Variants in FANCD2OS observed in about 807,000 individuals in gnomAD.
The protein encoded by FANCD2OS is FANCD2 opposite strand, also known as FANCD2 opposite strand protein.
In FANCD2OS, 11 loss-of-function variants were observed where a neutral mutation model predicts 13.2. That is an observed-to-expected ratio of 0.83 (90% CI 0.52 to 1.38). The LOEUF is 1.38. FANCD2OS is among the 40% of genes most tolerant of loss of function. FANCD2OS has a pLI of 0.00. For synonymous variants in FANCD2OS, 69 were observed against 84.5 expected, an observed-to-expected ratio of 0.82 and a Z score of 1.01; for missense variants, 217 against 213.9, an observed-to-expected ratio of 1.01 and a Z score of -0.09.
At chr3:10,103,772 G>T (rs2125109005), downstream of FANCD2OS, among the ~76,000 whole-genome samples, 1 of 152,186 alleles carries the variant, frequency 6.6e-6, no homozygotes, top group South Asian at 2.1e-4. Flanking sequence ...GGGTGTGGTT[G>T]GTTAGGGTTT....
chr3:10,098,762 G>A, downstream of FANCD2OS: 1 of 1,614,184 alleles, frequency 6.2e-7, no homozygotes, highest in Non-Finnish European at 8.5e-7. Context: ...GAGCACAGCA[G>A]ATGAGAGTGA....
At chr3:10,105,761 AAAAAAAAAAATTATATATATATAT>A (rs1331199295) in intron 1 of FANCD2OS, among the ~76,000 whole-genome samples, 9 of 68,890 alleles carry the variant, frequency 1.3e-4, no homozygotes, top group African/African-American at 1.3e-3. Context: ...AAAAAAAAAA[AAAAAAAAAAATTATATATATATAT>A]ATATATATAT....
chr3:10,085,159 C>T lies in FANCD2OS; in HGVS notation c.*44-3628G>A, dbSNP rs578201085. Among the ~76,000 whole-genome samples, 4 of 152,244 alleles carry T rather than the reference C, an allele frequency of 2.6e-5. No individual in the cohort carries two copies. The East Asian group carries it at 7.7e-4, about 29-fold the overall frequency. ...ATTCCTGTATTTTTGAAGAAGACTA[C>T]ATATCTCTAAAATATAGGGAATGAA... On this transcript the variant is annotated intron_variant, in intron 2 of 2. Coordinates refer to the FANCD2OS transcript ENST00000524279.
chr3:10,099,257 T>C, downstream of FANCD2OS: 1 of 1,295,154 alleles, frequency 7.7e-7, no homozygotes. Flanking sequence ...CTTAGAGAAC[T>C]GAAATAAAAA....
At position 10,088,874 on chromosome 3, in the gene FANCD2OS, A is replaced by T. The variant is rs373757862; in HGVS notation, c.*44-7343T>A. 6 of 1,613,938 alleles carry T rather than the reference A, an allele frequency of 3.7e-6. No homozygotes were observed. Among genetic ancestry groups the T allele is most frequent in the Non-Finnish European group, 5.1e-6 (6 of 1,179,948 alleles). On this transcript the variant is annotated intron_variant, in intron 2 of 2. Transcript: ENST00000524279. ...GAGCATTCTGAAGGCCATAGAGGAG[A>T]TTGCTGGTGTTGGTGTCCCAGAACT...
chr3:10,107,434 T>C lies in FANCD2OS; in HGVS notation c.-9+581A>G, dbSNP rs570740090. On this transcript the variant is annotated intron_variant, in intron 1 of 1. Coordinates refer to ENST00000450660, the MANE Select transcript of FANCD2OS (RefSeq NM_001164839.2). ...TCCCGTAGCTGGGACTACAGGCGCC[T>C]GCCACCACGCCCGGCTAATTTTTTT... Among the ~76,000 whole-genome samples, 465 of 151,996 alleles carry C rather than the reference T, an allele frequency of 3.1e-3. 1 individual carries two copies. Among genetic ancestry groups the C allele is most frequent in the African/African-American group, 8.6e-3 (356 of 41,512 alleles).
chr3:10,086,555 C>T (rs1209159445), intron 2 of FANCD2OS, among the ~76,000 whole-genome samples: 2 of 151,998 alleles, frequency 1.3e-5, no homozygotes, highest in East Asian at 3.9e-4. Flanking sequence ...GATCCCAGCT[C>T]ACTGCACCCT....
At chr3:10,101,105 T>C (rs1695272394), downstream of FANCD2OS, 2 of 1,055,100 alleles carry the variant, frequency 1.9e-6, no homozygotes, top group East Asian at 2.4e-5. Context: ...ATAGTACAGT[T>C]GTGTATCCTC....
chr3:10,096,462 G>A lies in FANCD2OS; in HGVS notation c.*43+7736C>T, dbSNP rs1334082637. On this transcript the variant is annotated intron_variant, in intron 2 of 2. Transcript: ENST00000524279. ...TTCTGGCTGGGCAATCTAAAAAACC[G>A]GGACTTGCAGGTAAGCCTTGGATCC... The A allele has an allele frequency of 6.2e-6, 10 of 1,613,916 alleles. No individual in the cohort carries two copies. In the East Asian group the frequency reaches 8.9e-5, roughly 14 times the overall value.
chr3:10,081,673 G>C (rs1297473505), intron 2 of FANCD2OS: 7 of 597,394 alleles, frequency 1.2e-5, no homozygotes, highest in Non-Finnish European at 2.1e-5. Context: ...TAACCCATTT[G>C]ACAGATTAGG....
At chr3:10,087,356 T>C (rs1694279952) in intron 2 of FANCD2OS, 2 of 1,239,102 alleles carry the variant, frequency 1.6e-6, no homozygotes, top group Non-Finnish European at 2.2e-6. Context: ...AGGACATTTT[T>C]ACATGTAAAT....
At chr3:10,085,985 A>G in intron 2 of FANCD2OS, 7 of 1,133,698 alleles carry the variant, frequency 6.2e-6, no homozygotes, top group South Asian at 4.9e-5. Context: ...AGGATTGGCA[A>G]CTTTCTTTAA....
downstream of FANCD2OS, among the ~76,000 whole-genome samples, chr3:10,098,507 C>T (rs1695111945): frequency 1.3e-5 from 2 of 152,156 alleles, no homozygotes; most frequent in Non-Finnish European, 2.9e-5. Context: ...CCTTTCGTTA[C>T]ATTACTTATT....
chr3:10,089,951 A>T (rs946807896), intron 2 of FANCD2OS, among the ~76,000 whole-genome samples: 1 of 152,138 alleles, frequency 6.6e-6, no homozygotes, highest in African/African-American at 2.4e-5. Flanking sequence ...CCCCTATTTT[A>T]CTGCTGAGGA....
chr3:10,087,403 A>T, intron 2 of FANCD2OS: 1 of 790,026 alleles, frequency 1.3e-6, no homozygotes. Context: ...TTGCTATACC[A>T]AGAAGGTCAT....
intron 2 of FANCD2OS, chr3:10,090,440 C>G (rs1575850717): frequency 9.0e-6 from 5 of 552,946 alleles, no homozygotes; most frequent in East Asian, 4.3e-5. Flanking sequence ...TTGGAAGTTG[C>G]TGATTTTTTT....
intron 2 of FANCD2OS, chr3:10,085,739 GC>G: frequency 1.0e-6 from 1 of 964,374 alleles, no homozygotes; most frequent in Non-Finnish European, 1.7e-6. Context: ...CAGACTGGAG[GC>G]CAGGATCCTT....
intron 2 of FANCD2OS, among the ~76,000 whole-genome samples, chr3:10,091,505 C>T (rs1694609889): frequency 1.3e-5 from 2 of 151,932 alleles, no homozygotes; most frequent in African/African-American, 2.4e-5. Context: ...CATATACCGG[C>T]TGTAGCTTCT....
In FANCD2OS at chr3:10,104,332, G is replaced by A; in HGVS notation, c.443C>T (p.Thr148Ile). 1 of 1,614,196 alleles carries A rather than the reference G, an allele frequency of 6.2e-7. No homozygotes were observed. Among genetic ancestry groups the A allele is most frequent in the Non-Finnish European group, 8.5e-7 (1 of 1,180,038 alleles). ...IGLKEPQIQM[T>I]VTMCKQMLRS... The stretch of plus-strand genomic sequence containing the variant: ...CAGCATCTGTTTGCACATAGTGACT[G>A]TCATCTGAATCTGAGGCTCCTTCAG... The change falls in exon 2 of 2, where the codon ACA (threonine) becomes ATA (isoleucine). Residue 148 changes from threonine (T) to isoleucine (I), a missense_variant. Coordinates refer to ENST00000450660, the MANE Select transcript of FANCD2OS (RefSeq NM_001164839.2).
Sources: allele counts gnomAD v4.1 joint callset (sites outside exome capture counted in the v4.1 genomes callset), GRCh38; gene constraint gnomAD v4.1.1; transcripts MANE v1.5; gene names NCBI Gene and HGNC (gene_info 2026-07-23, HGNC 2026-07-21).